OR3A2: variants seen among roughly 807,000 people sequenced by gnomAD.
OR3A2 encodes olfactory receptor 3A2.
For missense variants in OR3A2, 318 were observed against 392.8 expected (o/e 0.81, Z 1.61); for synonymous variants, 126 against 159.3 (o/e 0.79, Z 1.57).
chr17:3,279,519 C>T (rs566073048), intron 1 of OR3A2, among the ~76,000 whole-genome samples: 133 of 152,312 alleles, frequency 8.7e-4, no homozygotes, highest in Non-Finnish European at 1.3e-3. Flanking sequence ...CCAGGCTGGG[C>T]GTGGTGGCTC....
At chr17:3,309,010 A>G (rs1190673691) in intron 3 of OR3A2, among the ~76,000 whole-genome samples, 1 of 152,052 alleles carries the variant, frequency 6.6e-6, no homozygotes, top group Non-Finnish European at 1.5e-5. Flanking sequence ...GGTTCAAGCA[A>G]TTCTTCTGCC....
intron 2 of OR3A2, among the ~76,000 whole-genome samples, chr17:3,337,828 T>C (rs111687007): frequency 0.086 from 13,070 of 152,242 alleles, 1,070 homozygotes; most frequent in East Asian, 0.48. Context: ...TTTCTAGTTC[T>C]AGATCCTTGA....
In OR3A2 at chr17:3,291,573, T is replaced by TG. The variant is rs2048866940; in HGVS notation, c.-84-12421dup. 5.1e-6 allele frequency: 7 copies of TG among 1,365,886 alleles called. No homozygotes were observed. The South Asian group carries it at 1.0e-4, about 20-fold the overall frequency. 84.6% of individuals were successfully genotyped at this position (1,365,886 alleles called of 1,614,324 possible). A position where few individuals can be genotyped will look rare whatever the true frequency, so the allele number is the denominator to read the frequency against. On this transcript the variant is annotated intron_variant, in intron 3 of 4. Coordinates refer to the OR3A2 transcript ENST00000573491. ...TGTGAACCATTTTTTTCCTAGTTTC[T>TG]GGCTCTAGAAGACTTTTCCTTTAGT... is the stretch of plus-strand genomic sequence containing the variant.
intron 3 of OR3A2, chr17:3,292,038 C>T (rs2048875708): frequency 8.7e-6 from 14 of 1,614,164 alleles, no homozygotes; most frequent in Non-Finnish European, 1.1e-5. Context: ...TGGGAGGTCA[C>T]AGTAGAAGTG....
chr17:3,380,641 AGAG>A (rs1426287379), intron 2 of OR3A2, among the ~76,000 whole-genome samples: 2 of 152,210 alleles, frequency 1.3e-5, no homozygotes, highest in South Asian at 2.1e-4. Context: ...AGAAGGAAGT[AGAG>A]GAGAAGAGAT....
At chr17:3,318,310 GTCC>G (rs2049093235) in intron 3 of OR3A2, among the ~76,000 whole-genome samples, 1 of 152,182 alleles carries the variant, frequency 6.6e-6, no homozygotes, top group Non-Finnish European at 1.5e-5. Context: ...TTTCTTTTTG[GTCC>G]TTAGTCTGAA....
intron 2 of OR3A2, among the ~76,000 whole-genome samples, chr17:3,374,232 G>C (rs78566996): frequency 0.022 from 3,376 of 152,196 alleles, 135 homozygotes; most frequent in African/African-American, 0.076. Flanking sequence ...CTTAAGATTT[G>C]TTCCTTCACC....
chr17:3,370,148 T>C (rs1414092897), intron 2 of OR3A2, among the ~76,000 whole-genome samples: 1 of 152,190 alleles, frequency 6.6e-6, no homozygotes, highest in South Asian at 2.1e-4. Flanking sequence ...TGAAACCATC[T>C]GGTCCTGGAC....
rs1343378980 is a variant in OR3A2, at chr17:3,303,492, A to C, written c.-84-24339T>G. 2.0e-5 allele frequency among the ~76,000 whole-genome samples: 3 copies of C among 152,260 alleles called. No homozygotes were observed. The South Asian group carries it at 6.2e-4, about 32-fold the overall frequency. On this transcript the variant is annotated intron_variant, in intron 3 of 4. Coordinates refer to the OR3A2 transcript ENST00000573491. Reference sequence around the variant, plus strand: ...CATAGTGGCTCATGCCTGTAATCCCAGCACTTTGGGAGGCTGAGGTAGACA... The same window carrying C: ...CATAGTGGCTCATGCCTGTAATCCCCGCACTTTGGGAGGCTGAGGTAGACA...
chr17:3,371,179 C>T (rs2150664199), intron 2 of OR3A2, among the ~76,000 whole-genome samples: 1 of 152,042 alleles, frequency 6.6e-6, no homozygotes, highest in South Asian at 2.1e-4. Flanking sequence ...CTCCTCACTT[C>T]CCAGTAGGGG....
At chr17:3,284,936 G>C (rs111862446), upstream of OR3A2, among the ~76,000 whole-genome samples, 3 of 152,074 alleles carry the variant, frequency 2.0e-5, no homozygotes, top group African/African-American at 7.3e-5. Context: ...GGAGATAAGA[G>C]GGAAAAGCTT....
At chr17:3,374,829 C>T (rs915070689) in intron 2 of OR3A2, among the ~76,000 whole-genome samples, 1 of 152,216 alleles carries the variant, frequency 6.6e-6, no homozygotes, top group African/African-American at 2.4e-5. Flanking sequence ...ATACACTATA[C>T]CCAATTTGTA....
Position 3,362,313 on chromosome 17 carries a change from CTTT to C in OR3A2, c.-179+21488_-179+21490del, listed in dbSNP as rs529765577. 5.3e-3 allele frequency among the ~76,000 whole-genome samples: 797 copies of C among 151,604 alleles called. 32 individuals are homozygous for C. The highest frequency in any genetic ancestry group is 0.019 in the African/African-American group (760 of 41,026). ...CTATTTGATTATTCTCTCTTTTCTT[CTTT>C]ATTAGTCTTGCTAGCAGTCTATCAA... On this transcript the variant is annotated intron_variant, in intron 2 of 4. Coordinates refer to the OR3A2 transcript ENST00000573491.
chr17:3,353,274 A>G (rs952514942), intron 2 of OR3A2, among the ~76,000 whole-genome samples: 8 of 151,782 alleles, frequency 5.3e-5, no homozygotes, highest in African/African-American at 1.9e-4. Flanking sequence ...TAGAGTCTTT[A>G]GGTTTTCCCA....
At chr17:3,331,950 G>T (rs1032986099) in intron 3 of OR3A2, among the ~76,000 whole-genome samples, 1 of 151,766 alleles carries the variant, frequency 6.6e-6, no homozygotes, top group Non-Finnish European at 1.5e-5. Context: ...ACCCTCAGCT[G>T]CAGGTCTGTT....
intron 1 of OR3A2, among the ~76,000 whole-genome samples, chr17:3,384,111 C>A (rs1274787170): frequency 6.6e-6 from 1 of 152,102 alleles, no homozygotes; most frequent in Admixed American, 6.6e-5. Context: ...CTGCTAAGAC[C>A]TGACTTAGTC....
At chr17:3,301,933 C>T (rs1253570403) in intron 3 of OR3A2, among the ~76,000 whole-genome samples, 1 of 151,840 alleles carries the variant, frequency 6.6e-6, no homozygotes, top group Non-Finnish European at 1.5e-5. Flanking sequence ...AAGCAGAGAG[C>T]CAAATAACAC....
chr17:3,296,523 A>G (rs1474162723), intron 3 of OR3A2, among the ~76,000 whole-genome samples: 1 of 152,204 alleles, frequency 6.6e-6, no homozygotes, highest in Non-Finnish European at 1.5e-5. Context: ...GAAAAGGGGT[A>G]CATAAACTTG....
At chr17:3,332,774 T>G (rs972937641) in intron 3 of OR3A2, among the ~76,000 whole-genome samples, 1 of 152,238 alleles carries the variant, frequency 6.6e-6, no homozygotes, top group African/African-American at 2.4e-5. Context: ...TTGTGAAGAT[T>G]TCATGGACAT....
Sources: allele counts gnomAD v4.1 joint callset (sites outside exome capture counted in the v4.1 genomes callset), GRCh38; gene constraint gnomAD v4.1.1; transcripts MANE v1.5; gene names NCBI Gene and HGNC (gene_info 2026-07-23, HGNC 2026-07-21).